Variants in TPRG1 observed in about 807,000 individuals in gnomAD.
The protein encoded by TPRG1 is tumor protein p63 regulated 1, also known as tumor protein p63-regulated gene 1 protein.
A neutral mutation model predicts 29.3 loss-of-function variants in TPRG1; 29 were observed. The ratio of observed to expected loss-of-function variants is 0.99; its 90% CI spans 0.74 to 1.35. TPRG1 has a LOEUF of 1.35. TPRG1 is among the 40% of genes most tolerant of loss of function. The probability of loss-of-function intolerance (pLI) is 0.00; values close to 1 mark genes in which losing one functional copy is unlikely to be tolerated. For missense variants in TPRG1, 327 were observed against 335.0 expected, an observed-to-expected ratio of 0.98 and a Z score of 0.19; for synonymous variants, 130 against 116.8, an observed-to-expected ratio of 1.11 and a Z score of -0.73.
intron 1 of TPRG1, among the ~76,000 whole-genome samples, chr3:189,109,078 AC>A: frequency 6.6e-6 from 1 of 152,032 alleles, no homozygotes; most frequent in Non-Finnish European, 1.5e-5. Context: ...AAGGGTATAG[AC>A]AAAGTATTTT....
chr3:189,210,031 A>G (rs1006827799), intron 2 of TPRG1, among the ~76,000 whole-genome samples: 4 of 152,094 alleles, frequency 2.6e-5, no homozygotes, highest in African/African-American at 4.8e-5. Context: ...ATAATGATAA[A>G]CTTAAAAAAA....
At chr3:189,130,837 A>G (rs1723030341) in intron 2 of TPRG1, among the ~76,000 whole-genome samples, 1 of 152,250 alleles carries the variant, frequency 6.6e-6, no homozygotes, top group African/African-American at 2.4e-5. Context: ...CCTCAAATGC[A>G]GGTCATAACC....
chr3:189,313,987 G>A (rs11916216), intron 5 of TPRG1, among the ~76,000 whole-genome samples: 8,894 of 152,114 alleles, frequency 0.058, 603 homozygotes, highest in African/African-American at 0.16. Flanking sequence ...AACTAAGTTC[G>A]GAGCAGTAGG....
chr3:189,318,466 G>A (rs970467785), intron 5 of TPRG1, among the ~76,000 whole-genome samples: 1 of 152,150 alleles, frequency 6.6e-6, no homozygotes, highest in Non-Finnish European at 1.5e-5. Context: ...TGGAGAGTCG[G>A]CACTATAGAT....
intron 4 of TPRG1, among the ~76,000 whole-genome samples, chr3:189,081,990 T>A (rs1359360461): frequency 1.3e-5 from 2 of 152,186 alleles, no homozygotes; most frequent in African/African-American, 2.4e-5. Context: ...AAGGAAGAGT[T>A]GGGGGTTATT....
At chr3:189,026,566 T>C (rs1230859232) in intron 4 of TPRG1, among the ~76,000 whole-genome samples, 2 of 152,094 alleles carry the variant, frequency 1.3e-5, no homozygotes, top group South Asian at 2.1e-4. Flanking sequence ...AACATTGAGA[T>C]GGAAAAATCA....
intron 2 of TPRG1, among the ~76,000 whole-genome samples, chr3:189,131,008 C>T (rs958375515): frequency 8.5e-5 from 13 of 152,072 alleles, no homozygotes; most frequent in Non-Finnish European, 7.4e-5. Flanking sequence ...TACCTCTGGC[C>T]GGTAAAATAC....
chr3:189,099,561 T>G (rs1718939374), upstream of TPRG1, among the ~76,000 whole-genome samples: 1 of 152,134 alleles, frequency 6.6e-6, no homozygotes, highest in Non-Finnish European at 1.5e-5. Context: ...GGGAAAAGTT[T>G]CTGCGGTGTT....
intron 5 of TPRG1, among the ~76,000 whole-genome samples, chr3:189,319,362 G>A (rs1724026998): frequency 6.6e-6 from 1 of 152,002 alleles, no homozygotes; most frequent in Non-Finnish European, 1.5e-5. Flanking sequence ...CTCCATCCCT[G>A]TATCTTACCA....
intron 4 of TPRG1, among the ~76,000 whole-genome samples, chr3:189,083,980 T>A (rs1717769794): frequency 6.6e-6 from 1 of 152,042 alleles, no homozygotes; most frequent in Non-Finnish European, 1.5e-5. Flanking sequence ...GAGTTTGAGA[T>A]CAGCCTGGCT....
chr3:189,131,046 G>A (rs74726462), intron 2 of TPRG1, among the ~76,000 whole-genome samples: 5,240 of 152,208 alleles, frequency 0.034, 305 homozygotes, highest in African/African-American at 0.12. Flanking sequence ...TCTAAGTAAC[G>A]TGATCGTATG....
intron 4 of TPRG1, among the ~76,000 whole-genome samples, chr3:189,086,594 C>T (rs1468349262): frequency 6.9e-6 from 1 of 144,466 alleles, no homozygotes; most frequent in Non-Finnish European, 1.5e-5. Context: ...ATGTCGTGAT[C>T]TCGGCTCACC....
At chr3:189,298,543 T>C (rs1392356308) in intron 4 of TPRG1, among the ~76,000 whole-genome samples, 2 of 152,222 alleles carry the variant, frequency 1.3e-5, no homozygotes, top group Non-Finnish European at 2.9e-5. Flanking sequence ...AGACTTCTTT[T>C]ATTACATAAA....
chr3:189,073,419 ATTTG>A (rs1716922699), intron 4 of TPRG1, among the ~76,000 whole-genome samples: 1 of 152,188 alleles, frequency 6.6e-6, no homozygotes, highest in African/African-American at 2.4e-5. Context: ...AGTATTCAAG[ATTTG>A]TTTGTAGTTC....
At chr3:189,041,793 A>G (rs1714650750) in intron 4 of TPRG1, among the ~76,000 whole-genome samples, 1 of 152,184 alleles carries the variant, frequency 6.6e-6, no homozygotes, top group Admixed American at 6.5e-5. Context: ...AGATTCTGAA[A>G]CTGCCATGCA....
At chr3:189,258,381 G>A (rs1250208446) in intron 4 of TPRG1, among the ~76,000 whole-genome samples, 1 of 152,056 alleles carries the variant, frequency 6.6e-6, no homozygotes, top group Non-Finnish European at 1.5e-5. Context: ...TGGAAGCTTT[G>A]TCCCAGAGAG....
At chr3:189,068,081 T>A (rs953862975) in intron 4 of TPRG1, among the ~76,000 whole-genome samples, 1 of 152,178 alleles carries the variant, frequency 6.6e-6, no homozygotes, top group African/African-American at 2.4e-5. Flanking sequence ...CTCAATATCA[T>A]TTATCAGCAG....
chr3:189,107,872 TG>T (rs1253437923), intron 1 of TPRG1, among the ~76,000 whole-genome samples: 1 of 152,176 alleles, frequency 6.6e-6, no homozygotes, highest in East Asian at 1.9e-4. Flanking sequence ...TGATTCATTA[TG>T]GAAGAGAAAT....
chr3:189,197,675 G>T (rs1471986884), intron 1 of TPRG1, among the ~76,000 whole-genome samples: 1 of 152,134 alleles, frequency 6.6e-6, no homozygotes, highest in African/African-American at 2.4e-5. Context: ...GCTAGCTATA[G>T]AATTTATCCC....
Sources: gnomAD v4.1 joint callset for allele counts (sites outside exome capture counted in the v4.1 genomes callset) on GRCh38, gnomAD v4.1.1 for gene constraint, MANE v1.5 for transcripts, NCBI Gene and HGNC (gene_info 2026-07-23, HGNC 2026-07-21) for gene names.